The following SLC36A3 variants were observed in gnomAD, a reference collection of about 807,000 sequenced individuals.
SLC36A3 encodes the protein proton-coupled amino acid transporter 3.
In SLC36A3, 35 loss-of-function variants were observed where a neutral mutation model predicts 44.3. The observed-to-expected ratio is 0.79, with a 90% CI of 0.60 to 1.05. The LOEUF (loss-of-function observed/expected upper bound fraction) is 1.05, where lower values mean the gene tolerates loss of function less well. SLC36A3 is among the 50% of genes least tolerant of loss of function. The pLI, the probability that SLC36A3 is intolerant of heterozygous loss-of-function variation, is 0.00. For missense variants in SLC36A3, 540 were observed against 578.7 expected (o/e 0.93, Z 0.69); for synonymous variants, 211 against 227.6 (o/e 0.93, Z 0.66).
intron 1 of SLC36A3, 92 bp downstream of exon 1, chr5:151,303,135 T>C (rs919671723): frequency 1.4e-6 from 2 of 1,450,316 alleles, no homozygotes. Context: ...GGAATAAGCG[T>C]GTTAAGGAGA....
intron 1 of SLC36A3, among the ~76,000 whole-genome samples, chr5:151,299,258 C>CTATATATATATATA (rs1488673598): frequency 5.9e-5 from 4 of 68,058 alleles, no homozygotes; most frequent in African/African-American, 1.7e-4. Flanking sequence ...CTCTCTCTCT[C>CTATATATATATATA]TCTCTCTATA....
chr5:151,299,394 T>TATATATATATA (rs58121505), intron 1 of SLC36A3, among the ~76,000 whole-genome samples: 24 of 133,004 alleles, frequency 1.8e-4, no homozygotes, highest in African/African-American at 6.3e-4. Context: ...TATATATATA[T>TATATATATATA]TATATATATA....
At chr5:151,285,274 T>C (rs1217717661) in intron 6 of SLC36A3, among the ~76,000 whole-genome samples, 1 of 152,240 alleles carries the variant, frequency 6.6e-6, no homozygotes, top group Non-Finnish European at 1.5e-5. Context: ...CACCAAATCG[T>C]GTTCATCCTT....
chr5:151,282,886 C>CT (rs11362344), intron 8 of SLC36A3, among the ~76,000 whole-genome samples: 3,569 of 142,582 alleles, frequency 0.025, 155 homozygotes, highest in African/African-American at 0.083. Flanking sequence ...TTCTTTCTTT[C>CT]TTTTTTTTTT....
At chr5:151,292,965 C>T (rs1754813713) in intron 4 of SLC36A3, among the ~76,000 whole-genome samples, 1 of 152,060 alleles carries the variant, frequency 6.6e-6, no homozygotes, top group Non-Finnish European at 1.5e-5. Context: ...GCCTGAGCAA[C>T]AAGAGTGAAA....
intron 1 of SLC36A3, among the ~76,000 whole-genome samples, chr5:151,300,268 G>A (rs1755125223): frequency 6.6e-6 from 1 of 152,200 alleles, no homozygotes; most frequent in South Asian, 2.1e-4. Context: ...GGAAGAAGCT[G>A]TAACCAACCA....
At chr5:151,293,532 T>C in intron 3 of SLC36A3, 73 bp from the exon 4 acceptor site, 1 of 1,220,218 alleles carries the variant, frequency 8.2e-7, no homozygotes, top group Non-Finnish European at 1.2e-6. Context: ...CCAAAGTGAG[T>C]GATTTTTATG....
At position 151,288,448 on chromosome 5, in the gene SLC36A3, C is replaced by T; in HGVS notation, c.427G>A (p.Val143Ile). ...WGRYTVSFLL[V>I]ITQLGFCSVY... ...CTGCAGAAGCCCAGCTGGGTGATGA[C>T]TAATAAGAAGCTGACAGTGTACCTG... The change falls in exon 5 of 10, where the codon GTC (valine) becomes ATC (isoleucine). Residue 143 changes from valine to isoleucine, a missense_variant. Val to Ile is a conservative substitution (Grantham distance 29). Transcript: ENST00000335230. 1.3e-6 allele frequency: 2 copies of T among 1,587,998 alleles called. No homozygotes were observed. Among genetic ancestry groups the T allele is most frequent in the Non-Finnish European group, 1.7e-6 (2 of 1,166,532 alleles).
At chr5:151,302,818 G>T (rs1472697401) in intron 1 of SLC36A3, among the ~76,000 whole-genome samples, 2 of 152,104 alleles carry the variant, frequency 1.3e-5, no homozygotes, top group Non-Finnish European at 2.9e-5. Flanking sequence ...GGAGACATGG[G>T]GTTAGCACCT....
In SLC36A3 at chr5:151,288,145, GA is replaced by G. The variant is rs1186190026; in HGVS notation, c.489+240del. Among the ~76,000 whole-genome samples, 34 of 152,266 alleles carry G rather than the reference GA, an allele frequency of 2.2e-4. 1 individual carries two copies. Among genetic ancestry groups the G allele is most frequent in the Middle Eastern group, 3.4e-3 (1 of 294 alleles). On this transcript the variant is annotated intron_variant, in intron 5 of 9. Transcript: ENST00000335230. ...AGGCTAACAATTATCATTGATTTCT[GA>G]CTGGACATGATTGCAGGCCTCTCTT... is the stretch of plus-strand genomic sequence containing the variant.
intron 9 of SLC36A3, among the ~76,000 whole-genome samples, chr5:151,279,414 C>T (rs545701959): frequency 4.6e-5 from 7 of 152,310 alleles, no homozygotes; most frequent in Admixed American, 1.3e-4. Flanking sequence ...TTGTGTCTAG[C>T]ACAATGCCAG....
chr5:151,284,303 T>G (rs928027758), intron 7 of SLC36A3, 93 bp from the exon 8 acceptor site: 5 of 1,309,716 alleles, frequency 3.8e-6, no homozygotes, highest in Non-Finnish European at 5.3e-6. Flanking sequence ...CAAATGTCCT[T>G]CCCCAGGTGG....
intron 1 of SLC36A3, among the ~76,000 whole-genome samples, chr5:151,301,657 C>T (rs528176335): frequency 2.6e-5 from 4 of 151,896 alleles, no homozygotes; most frequent in Admixed American, 1.3e-4. Context: ...AATAAAACTC[C>T]GGTCTCGAGC....
At chr5:151,280,927 A>C in intron 9 of SLC36A3, 87 bp downstream of exon 9, 1 of 1,527,384 alleles carries the variant, frequency 6.5e-7, no homozygotes, top group Non-Finnish European at 9.0e-7. Context: ...AAAGAAGGCA[A>C]GTGGCAGATC....
intron 9 of SLC36A3, among the ~76,000 whole-genome samples, chr5:151,279,889 T>C (rs1389759647): frequency 6.6e-6 from 1 of 152,216 alleles, no homozygotes; most frequent in African/African-American, 2.4e-5. Context: ...AATTTCTCCC[T>C]TCACTTTTAC....
At chr5:151,282,173 T>G (rs1345421389) in intron 8 of SLC36A3, among the ~76,000 whole-genome samples, 1 of 128,470 alleles carries the variant, frequency 7.8e-6, no homozygotes, top group Non-Finnish European at 1.5e-5. Flanking sequence ...CAGGCTGGAG[T>G]GCAATGGTAT....
intron 9 of SLC36A3, among the ~76,000 whole-genome samples, chr5:151,280,220 T>C (rs1487414539): frequency 6.6e-6 from 1 of 152,114 alleles, no homozygotes; most frequent in Non-Finnish European, 1.5e-5. Flanking sequence ...TTTGGGAGGC[T>C]GAGGCAGGCA....
intron 1 of SLC36A3, among the ~76,000 whole-genome samples, chr5:151,300,942 T>C (rs974860189): frequency 1.3e-5 from 2 of 152,254 alleles, no homozygotes; most frequent in Admixed American, 1.3e-4. Flanking sequence ...CTACACACTT[T>C]CCATGTCCAT....
chr5:151,303,469 C>T lies in SLC36A3; in HGVS notation c.-115G>A. ...TGACCTGAGATGCTGGCTCCTAACC[C>T]CAAGGATGCGTGCTGCTGGCTGAAG... is the stretch of plus-strand genomic sequence containing the variant. On this transcript the variant is annotated 5_prime_UTR_variant, in exon 1 of 10. Coordinates refer to ENST00000335230, the MANE Select transcript of SLC36A3 (RefSeq NM_181774.4). 8.5e-7 allele frequency: 1 copy of T among 1,174,036 alleles called. No individual in the cohort carries two copies. Among genetic ancestry groups the T allele is most frequent in the Non-Finnish European group, 1.2e-6 (1 of 833,476 alleles). The allele number at this position is 1,174,036 out of a possible 1,614,324, so 72.7% of individuals were successfully genotyped here.
Sources: gnomAD v4.1 joint callset for allele counts (sites outside exome capture counted in the v4.1 genomes callset) on GRCh38, gnomAD v4.1.1 for gene constraint, MANE v1.5 for transcripts, NCBI Gene and HGNC (gene_info 2026-07-23, HGNC 2026-07-21) for gene names.